SASH1: variants seen among roughly 807,000 people sequenced by gnomAD.
SASH1 encodes SAM and SH3 domain-containing protein 1.
SASH1 carries 44 observed loss-of-function variants against 125.2 expected under a neutral mutation model. That is an observed-to-expected ratio of 0.35 (90% CI 0.28 to 0.45). SASH1 has a LOEUF of 0.45. Among genes scored for constraint, SASH1 ranks in the 20% least tolerant of loss-of-function variants. SASH1 has a pLI of 1.00. For synonymous variants in SASH1, 639 were observed against 649.1 expected (o/e 0.98, Z 0.24); for missense variants, 1,426 against 1,614.5 (o/e 0.88, Z 2.00).
At chr6:148,537,951 T>C (rs76075063) in intron 16 of SASH1, among the ~76,000 whole-genome samples, 3,830 of 152,190 alleles carry the variant, frequency 0.025, 170 homozygotes, top group African/African-American at 0.087. Flanking sequence ...GTGATTTGAC[T>C]GTGAGAATTT....
intron 1 of SASH1, among the ~76,000 whole-genome samples, chr6:148,357,893 C>T (rs1782007984): frequency 1.3e-5 from 2 of 151,820 alleles, no homozygotes; most frequent in South Asian, 4.2e-4. Context: ...AACCCCGTCT[C>T]TACTAAAAAT....
chr6:148,296,207 C>A (rs929724218), intron 1 of SASH1, among the ~76,000 whole-genome samples: 4 of 152,240 alleles, frequency 2.6e-5, no homozygotes, highest in Non-Finnish European at 5.9e-5. Context: ...CTCACTGCAA[C>A]CTCCGTCTCC....
At chr6:148,434,947 G>C (rs1776231600) in intron 2 of SASH1, among the ~76,000 whole-genome samples, 1 of 152,164 alleles carries the variant, frequency 6.6e-6, no homozygotes, top group Non-Finnish European at 1.5e-5. Context: ...GCTTATGCCT[G>C]TAATCCCAGC....
rs1230623555 is a variant in SASH1, at chr6:148,474,136, G to A, written c.541G>A (p.Glu181Lys). 2 of 1,611,732 alleles carry A rather than the reference G, an allele frequency of 1.2e-6. No individual in the cohort carries two copies. The highest frequency in any genetic ancestry group is 1.3e-5 in the African/African-American group (1 of 74,900). The change falls in exon 7 of 20, where the codon GAA (glutamate) becomes AAA (lysine). Residue 181 changes from glutamate (E) to lysine (K), a missense_variant. Glu to Lys is a moderately conservative substitution (Grantham distance 56). Around this residue, in one of 3 missense-constraint regions of SASH1, gnomAD observed 567 missense variants for 575.6 expected, o/e 0.99. Coordinates refer to ENST00000367467, the MANE Select transcript of SASH1 (RefSeq NM_015278.5). Reference protein sequence around the residue: ...KGEDVGYVASEITMSDEERIQ... With the variant: ...KGEDVGYVASKITMSDEERIQ... ...AGAAGACGTTGGTTATGTTGCCAGT[G>A]AAATAACGATGAGCGATGAGGAGCG...
intron 4 of SASH1, among the ~76,000 whole-genome samples, chr6:148,466,632 G>A (rs1335623759): frequency 6.6e-6 from 1 of 152,150 alleles, no homozygotes; most frequent in Non-Finnish European, 1.5e-5. Flanking sequence ...TGTGATCATA[G>A]CTCACTACAA....
At chr6:148,498,016 C>T (rs866089033) in intron 8 of SASH1, among the ~76,000 whole-genome samples, 1 of 152,034 alleles carries the variant, frequency 6.6e-6, no homozygotes, top group Non-Finnish European at 1.5e-5. Context: ...ACTAACCAGG[C>T]ACATCTTTAT....
intron 2 of SASH1, among the ~76,000 whole-genome samples, chr6:148,417,336 C>T (rs185214317): frequency 6.6e-6 from 1 of 152,088 alleles, no homozygotes; most frequent in African/African-American, 2.4e-5. Flanking sequence ...CCTGTATTCC[C>T]AGCGCTTTGG....
chr6:148,215,465 C>T, the SASH1 span, among the ~76,000 whole-genome samples: 4 of 152,308 alleles, frequency 2.6e-5, no homozygotes, highest in South Asian at 6.2e-4. Context: ...AAGTCTTCCA[C>T]AACTTAGCTC....
At chr6:148,321,985 A>C (rs1328636031) in intron 1 of SASH1, among the ~76,000 whole-genome samples, 1 of 152,204 alleles carries the variant, frequency 6.6e-6, no homozygotes, top group Non-Finnish European at 1.5e-5. Flanking sequence ...TATATGTATA[A>C]ATGATGGTGA....
intron 1 of SASH1, among the ~76,000 whole-genome samples, chr6:148,327,997 T>G (rs1453462032): frequency 4.7e-5 from 7 of 150,042 alleles, no homozygotes; most frequent in Admixed American, 1.3e-4. Flanking sequence ...GTAAACTGAG[T>G]GGCAAATTAG....
chr6:148,268,558 A>G (rs965112752), upstream of SASH1, among the ~76,000 whole-genome samples: 2 of 152,234 alleles, frequency 1.3e-5, no homozygotes, highest in Non-Finnish European at 2.9e-5. Flanking sequence ...CATCAAACTG[A>G]CAGAATGGTT....
At chr6:148,431,654 A>G (rs1444068185) in intron 2 of SASH1, among the ~76,000 whole-genome samples, 4 of 151,194 alleles carry the variant, frequency 2.6e-5, no homozygotes, top group Admixed American at 6.7e-5. Flanking sequence ...GCCCTGCACT[A>G]GTCCATGTGT....
At chr6:148,422,644 C>A (rs1014634075) in intron 2 of SASH1, among the ~76,000 whole-genome samples, 1 of 152,152 alleles carries the variant, frequency 6.6e-6, no homozygotes, top group Non-Finnish European at 1.5e-5. Flanking sequence ...TTTTAAATTT[C>A]ATTTGCTTTT....
intron 1 of SASH1, among the ~76,000 whole-genome samples, chr6:148,305,641 AAAAG>A (rs1554232119): frequency 1.7e-4 from 23 of 133,200 alleles, no homozygotes; most frequent in African/African-American, 4.2e-4. Context: ...AAAAAAAAAA[AAAAG>A]AAAGAAAGAA....
the SASH1 span, among the ~76,000 whole-genome samples, chr6:148,241,292 T>G: frequency 2.0e-5 from 3 of 152,370 alleles, no homozygotes; most frequent in South Asian, 6.2e-4. Flanking sequence ...CTAGTTGTCA[T>G]GCCCTGAGCA....
the SASH1 span, among the ~76,000 whole-genome samples, chr6:148,226,290 A>G: frequency 6.6e-6 from 1 of 152,170 alleles, no homozygotes; most frequent in Non-Finnish European, 1.5e-5. Flanking sequence ...TAATGGATTG[A>G]TTTTTTAATT....
At chr6:148,300,773 G>T (rs943418700) in intron 1 of SASH1, among the ~76,000 whole-genome samples, 1 of 152,018 alleles carries the variant, frequency 6.6e-6, no homozygotes, top group Non-Finnish European at 1.5e-5. Flanking sequence ...GTAAGCCACT[G>T]CACCTGGCCA....
intron 2 of SASH1, among the ~76,000 whole-genome samples, chr6:148,413,543 C>G (rs1784705779): frequency 6.6e-6 from 1 of 152,098 alleles, no homozygotes; most frequent in African/African-American, 2.4e-5. Context: ...CTGGGACATT[C>G]TTGTGGAATG....
At chr6:148,294,465 T>C (rs775326090) in intron 1 of SASH1, among the ~76,000 whole-genome samples, 35 of 152,212 alleles carry the variant, frequency 2.3e-4, no homozygotes, top group Non-Finnish European at 4.4e-4. Context: ...GAAGTCCAAA[T>C]AGGAATGATA....
Sources: gnomAD v4.1 joint callset for allele counts (sites outside exome capture counted in the v4.1 genomes callset) on GRCh38, gnomAD v4.1.1 for gene constraint, gnomAD v4.1.1 regional missense constraint, MANE v1.5 for transcripts, NCBI Gene and HGNC (gene_info 2026-07-23, HGNC 2026-07-21) for gene names.